The following SMAD3 variants were observed in gnomAD, a reference collection of about 807,000 sequenced individuals.
SMAD3 encodes the protein SMAD family member 3.
Under a neutral mutation model 51.8 loss-of-function variants are expected in SMAD3, and 12 were observed. The ratio of observed to expected loss-of-function variants is 0.23; its 90% CI spans 0.15 to 0.38. SMAD3 has a LOEUF of 0.38. Among genes scored for constraint, SMAD3 ranks in the 10% least tolerant of loss-of-function variants. SMAD3 has a pLI of 1.00. For synonymous variants in SMAD3, 238 were observed against 227.7 expected, an observed-to-expected ratio of 1.05 and a Z score of -0.41; for missense variants, 294 against 565.6, an observed-to-expected ratio of 0.52 and a Z score of 4.87.
chr15:67,179,883 C>G lies in SMAD3; in HGVS notation c.659-1358C>G, dbSNP rs191892052. Among the ~76,000 whole-genome samples, 129 of 152,058 alleles carry G rather than the reference C, an allele frequency of 8.5e-4. 1 individual carries two copies. The highest frequency in any genetic ancestry group is 4.1e-3 in the Admixed American group (63 of 15,278). Reference sequence around the variant, plus strand: ...CTCAGCCCCATGCTGAGGGTTAAAGCGAGGGAGGAGAGATGTCAGCCTGGG... The same window carrying G: ...CTCAGCCCCATGCTGAGGGTTAAAGGGAGGGAGGAGAGATGTCAGCCTGGG... On this transcript the variant is annotated intron_variant, in intron 5 of 8. Coordinates refer to ENST00000327367, the MANE Select transcript of SMAD3 (RefSeq NM_005902.4).
chr15:67,181,404 C>T lies in SMAD3; in HGVS notation c.822C>T (p.Leu274=), dbSNP rs984900419. 2.5e-5 allele frequency: 40 copies of T among 1,614,008 alleles called. No individual in the cohort carries two copies. Among genetic ancestry groups the T allele is most frequent in the Non-Finnish European group, 3.3e-5 (39 of 1,180,044 alleles). The change falls in exon 6 of 9, where the codon CTC becomes CTT. Residue 274 remains leucine, a synonymous_variant. Transcript: ENST00000327367. The part of the protein sequence containing the change: ...SNSERFCLGL[L]SNVNRNAAVE... ...CGGAGCGCTTCTGCCTAGGGCTGCT[C>T]TCCAATGTCAACAGGAATGCAGCAG... is the stretch of plus-strand genomic sequence containing the variant.
chr15:67,068,726 C>G (rs1959983623), intron 1 of SMAD3, among the ~76,000 whole-genome samples: 1 of 152,002 alleles, frequency 6.6e-6, no homozygotes, highest in Admixed American at 6.6e-5. Flanking sequence ...GATTTTGTGC[C>G]CACGCCTCTG....
chr15:67,072,141 A>C (rs1788883760), intron 1 of SMAD3, among the ~76,000 whole-genome samples: 1 of 152,276 alleles, frequency 6.6e-6, no homozygotes, highest in African/African-American at 2.4e-5. Context: ...AAATGAGTTA[A>C]AAAATAAATA....
At chr15:67,073,659 A>G (rs940643401) in intron 1 of SMAD3, among the ~76,000 whole-genome samples, 3 of 137,934 alleles carry the variant, frequency 2.2e-5, no homozygotes, top group Non-Finnish European at 3.2e-5. Context: ...TGGTATTCAT[A>G]CAAGCATTTT....
At position 67,194,497 on chromosome 15, in the gene SMAD3, ATTTTT is replaced by A. The variant is rs975954141; in HGVS notation, c.*3966_*3970del. On this transcript the variant is annotated 3_prime_UTR_variant, in exon 9 of 9. Transcript: ENST00000327367. ...GAAATTCTCAGTGATTCTGCAATGG[ATTTTT>A]TTTTAATGCAGAAGTAATGTATACT... The A allele has an allele frequency of 4.5e-6, 1 of 224,712 alleles. No homozygotes were observed. The highest frequency in any genetic ancestry group is 8.9e-6 in the Non-Finnish European group (1 of 112,788). 13.9% of individuals were successfully genotyped at this position (224,712 alleles called of 1,614,324 possible).
At chr15:67,077,403 G>A (rs538783339) in intron 1 of SMAD3, among the ~76,000 whole-genome samples, 1 of 152,318 alleles carries the variant, frequency 6.6e-6, no homozygotes, top group East Asian at 1.9e-4. Context: ...ATTTAATGCA[G>A]ATGAGGGAGA....
chr15:67,164,316 GAAAAAAAAAAAAAA>G (rs59880604), intron 1 of SMAD3, among the ~76,000 whole-genome samples: 6 of 83,670 alleles, frequency 7.2e-5, no homozygotes, highest in Middle Eastern at 5.7e-3. Flanking sequence ...CTCCGTCTCA[GAAAAAAAAAAAAAA>G]AAAAAAAAAA....
intron 1 of SMAD3, among the ~76,000 whole-genome samples, chr15:67,082,651 A>G (rs1471597486): frequency 6.6e-6 from 1 of 152,246 alleles, no homozygotes; most frequent in Non-Finnish European, 1.5e-5. Context: ...AAATTATATA[A>G]AGTTTTGCCG....
Position 67,193,511 on chromosome 15 carries a change from T to G in SMAD3, c.*2975T>G. ...TACGTAGGTAGCTACCCCAGCCGGT[T>G]TGGATTACAGGCCTGTGCTGGAACA... On this transcript the variant is annotated 3_prime_UTR_variant, in exon 9 of 9. Coordinates refer to ENST00000327367, the MANE Select transcript of SMAD3 (RefSeq NM_005902.4). 4.3e-6 allele frequency: 1 copy of G among 233,864 alleles called. No homozygotes were observed. The highest frequency in any genetic ancestry group is 8.5e-6 in the Non-Finnish European group (1 of 118,048). 14.5% of individuals were successfully genotyped at this position (233,864 alleles called of 1,614,324 possible). A position where few individuals can be genotyped will look rare whatever the true frequency, so the allele number is the denominator to read the frequency against.
intron 1 of SMAD3, chr15:67,137,979 C>T: frequency 1.5e-6 from 2 of 1,372,816 alleles, no homozygotes; most frequent in Middle Eastern, 1.8e-4. Context: ...TTGTCCTTAT[C>T]ATCAGAATCC....
chr15:67,190,766 G>T lies in SMAD3; in HGVS notation c.*230G>T, dbSNP rs942103876. The T allele has an allele frequency of 1.0e-5, 6 of 582,348 alleles. No homozygotes were observed. Among genetic ancestry groups the T allele is most frequent in the African/African-American group, 5.6e-5 (3 of 53,664 alleles). The allele number at this position is 582,348 out of a possible 1,614,324, so 36.1% of individuals were successfully genotyped here. On this transcript the variant is annotated 3_prime_UTR_variant, in exon 9 of 9. Coordinates refer to ENST00000327367, the MANE Select transcript of SMAD3 (RefSeq NM_005902.4). The stretch of plus-strand genomic sequence containing the variant: ...TTTACCCTTTGGCCCCACTTTGAAG[G>T]GCAAGAAATGGCGTCTGCTCTGGTG...
At position 67,092,489 on chromosome 15, in the gene SMAD3, C is replaced by T. The variant is rs148957626; in HGVS notation, c.206+26129C>T. Reference sequence around the variant, plus strand: ...ACTAGGAATGCAGAGTCTCAGGCCCCGCCCCCAGGCCTCTTGGATCAGAAA... The same window carrying T: ...ACTAGGAATGCAGAGTCTCAGGCCCTGCCCCCAGGCCTCTTGGATCAGAAA... On this transcript the variant is annotated intron_variant, in intron 1 of 8. Transcript: ENST00000327367. Among the ~76,000 whole-genome samples the T allele has an allele frequency of 1.1e-4, 17 of 152,342 alleles. No individual in the cohort carries two copies. In the East Asian group the frequency reaches 2.5e-3, roughly 22 times the overall value.
chr15:67,158,591 C>T (rs1962345327), intron 1 of SMAD3, among the ~76,000 whole-genome samples: 1 of 152,256 alleles, frequency 6.6e-6, no homozygotes, highest in African/African-American at 2.4e-5. Context: ...GTCCTGGCCA[C>T]TTGGCATGGC....
At chr15:67,080,241 A>G (rs2140203583) in intron 1 of SMAD3, among the ~76,000 whole-genome samples, 1 of 152,368 alleles carries the variant, frequency 6.6e-6, no homozygotes. Context: ...GACTTGCCCA[A>G]GGTCATGCAA....
In SMAD3 at chr15:67,112,859, G is replaced by T. The variant is rs537793715; in HGVS notation, c.206+46499G>T. Reference sequence around the variant, plus strand: ...GGTTCAACTTCATTCTTTTGCATGTGAATATCCAGATGTCCATGCACTGTT... The same window carrying T: ...GGTTCAACTTCATTCTTTTGCATGTTAATATCCAGATGTCCATGCACTGTT... On this transcript the variant is annotated intron_variant, in intron 1 of 8. Coordinates refer to ENST00000327367, the MANE Select transcript of SMAD3 (RefSeq NM_005902.4). 3.8e-5 allele frequency among the ~76,000 whole-genome samples: 5 copies of T among 130,310 alleles called. 1 individual carries two copies. The highest frequency in any genetic ancestry group is 7.8e-5 in the Non-Finnish European group (5 of 63,774). The allele number at this position is 130,310 out of a possible 152,430, so 85.5% of individuals were successfully genotyped here.
In SMAD3 at chr15:67,137,966, G is replaced by A. The variant is rs578171568; in HGVS notation, c.207-26929G>A. 2.6e-5 allele frequency: 32 copies of A among 1,253,212 alleles called. No homozygotes were observed. The Middle Eastern group carries it at 5.5e-4, about 22-fold the overall frequency. The allele number at this position is 1,253,212 out of a possible 1,614,324, so 77.6% of individuals were successfully genotyped here. A position where few individuals can be genotyped will look rare whatever the true frequency, so the allele number is the denominator to read the frequency against. ...AGAATTCGGACTTCTAGGAAGGGCTGTATTGTCCTTATCATCAGAATCCCT... is the reference window on the plus strand; with the variant it reads ...AGAATTCGGACTTCTAGGAAGGGCTATATTGTCCTTATCATCAGAATCCCT... On this transcript the variant is annotated intron_variant, in intron 1 of 8. Transcript: ENST00000327367.
chr15:67,095,010 C>T (rs114636113), intron 1 of SMAD3, among the ~76,000 whole-genome samples: 5 of 152,184 alleles, frequency 3.3e-5, no homozygotes, highest in African/African-American at 7.2e-5. Flanking sequence ...AAAATGTTAC[C>T]TGTCTGTTAG....
At chr15:67,133,186 A>G (rs983725118) in intron 1 of SMAD3, among the ~76,000 whole-genome samples, 1 of 152,210 alleles carries the variant, frequency 6.6e-6, no homozygotes, top group Non-Finnish European at 1.5e-5. Flanking sequence ...TGGCTGTGAC[A>G]GTCTAACTTT....
chr15:67,069,071 C>T (rs185067940), intron 1 of SMAD3, among the ~76,000 whole-genome samples: 1 of 152,078 alleles, frequency 6.6e-6, no homozygotes, highest in Non-Finnish European at 1.5e-5. Flanking sequence ...TGTGTTTTGG[C>T]TAATATATAA....
Sources: gnomAD v4.1 joint callset for allele counts (sites outside exome capture counted in the v4.1 genomes callset) on GRCh38, gnomAD v4.1.1 for gene constraint, MANE v1.5 for transcripts, NCBI Gene and HGNC (gene_info 2026-07-23, HGNC 2026-07-21) for gene names.